The following SLC8A1 variants were observed in gnomAD, a reference collection of about 807,000 sequenced individuals.
The protein encoded by SLC8A1 is sodium/calcium exchanger 1.
Under a neutral mutation model 68.3 loss-of-function variants are expected in SLC8A1, and 18 were observed. That is an observed-to-expected ratio of 0.26 (90% confidence interval 0.18 to 0.39). The LOEUF (loss-of-function observed/expected upper bound fraction) is 0.39, where lower values mean the gene tolerates loss of function less well. Among genes scored for constraint, SLC8A1 ranks in the 10% least tolerant of loss-of-function variants. SLC8A1 has a pLI of 1.00. For missense variants in SLC8A1, 985 were observed against 1,156.7 expected (o/e 0.85, Z 2.15); for synonymous variants, 475 against 415.5 (o/e 1.14, Z -1.74).
At chr2:40,336,069 A>G (rs1354397325) in intron 2 of SLC8A1, among the ~76,000 whole-genome samples, 2 of 152,206 alleles carry the variant, frequency 1.3e-5, no homozygotes, top group Admixed American at 6.5e-5. Context: ...ATGTCATGCC[A>G]TGACTTAAAA....
chr2:40,163,922 T>A (rs1199261915), intron 5 of SLC8A1, among the ~76,000 whole-genome samples: 1 of 152,192 alleles, frequency 6.6e-6, no homozygotes, highest in Non-Finnish European at 1.5e-5. Flanking sequence ...CCAGATAAAA[T>A]CTGAAACTTC....
At chr2:40,323,315 C>A (rs741287) in intron 2 of SLC8A1, among the ~76,000 whole-genome samples, 29,617 of 151,970 alleles carry the variant, frequency 0.19, 3,620 homozygotes, top group East Asian at 0.35. Flanking sequence ...ATGGATGTAA[C>A]TTAAGACTTT....
At chr2:40,198,361 C>T (rs1258193295) in intron 2 of SLC8A1, among the ~76,000 whole-genome samples, 4 of 151,852 alleles carry the variant, frequency 2.6e-5, no homozygotes, top group Non-Finnish European at 5.9e-5. Flanking sequence ...TTCTTGTTTG[C>T]ATTTCCCAAG....
At chr2:40,304,563 G>A (rs993989545) in intron 2 of SLC8A1, among the ~76,000 whole-genome samples, 2 of 152,108 alleles carry the variant, frequency 1.3e-5, no homozygotes, top group African/African-American at 4.8e-5. Context: ...CCTCTCCTGG[G>A]TTTGGCACAT....
At chr2:40,438,783 T>C (rs1699944658) in intron 1 of SLC8A1, among the ~76,000 whole-genome samples, 1 of 152,152 alleles carries the variant, frequency 6.6e-6, no homozygotes, top group African/African-American at 2.4e-5. Flanking sequence ...TCAGATACAG[T>C]TGAGGAATCT....
In SLC8A1 at chr2:40,178,513, T is replaced by C. The variant is rs937230992; in HGVS notation, c.1809-658A>G. 1 of 1,588,344 alleles carries C rather than the reference T, an allele frequency of 6.3e-7. No homozygotes were observed. Among genetic ancestry groups the C allele is most frequent in the African/African-American group, 1.3e-5 (1 of 74,202 alleles). On this transcript the variant is annotated intron_variant, in intron 2 of 7. Transcript: ENST00000406785. ...GTTTTGCTGAAACAGAGAATAGAAA[T>C]TGACGAACAAGGGGAAGAGGAAAGA... is the stretch of plus-strand genomic sequence containing the variant.
intron 1 of SLC8A1, among the ~76,000 whole-genome samples, chr2:40,503,680 G>C (rs967146743): frequency 6.6e-6 from 1 of 151,690 alleles, no homozygotes; most frequent in African/African-American, 2.4e-5. Flanking sequence ...ATATAAAAAA[G>C]AAATAAAAAG....
At chr2:40,125,765 G>C (rs1414748073) in intron 7 of SLC8A1, among the ~76,000 whole-genome samples, 1 of 151,686 alleles carries the variant, frequency 6.6e-6, no homozygotes, top group Non-Finnish European at 1.5e-5. Context: ...GAAAAGAAAA[G>C]AAAAAAAGGC....
At chr2:40,162,924 G>A (rs77295320) in intron 5 of SLC8A1, among the ~76,000 whole-genome samples, 1,722 of 152,198 alleles carry the variant, frequency 0.011, 35 homozygotes, top group African/African-American at 0.039. Flanking sequence ...TACAGTTCTG[G>A]GAGCTCTGAG....
At chr2:40,175,615 A>G (rs10175778) in intron 3 of SLC8A1, among the ~76,000 whole-genome samples, 18,161 of 152,142 alleles carry the variant, frequency 0.12, 1,178 homozygotes, top group African/African-American at 0.13. Context: ...CTAGTTTACC[A>G]AATACAGTGG....
chr2:40,494,620 T>C (rs549915677), intron 1 of SLC8A1, among the ~76,000 whole-genome samples: 3 of 140,396 alleles, frequency 2.1e-5, no homozygotes, highest in Non-Finnish European at 4.5e-5. Context: ...TGTGTACATG[T>C]ACCCTAGAAC....
intron 1 of SLC8A1, among the ~76,000 whole-genome samples, chr2:40,439,918 TCA>T (rs1025792207): frequency 6.6e-6 from 1 of 152,170 alleles, no homozygotes; most frequent in Non-Finnish European, 1.5e-5. Flanking sequence ...GACAATATAC[TCA>T]GTGACAAAGT....
At chr2:40,189,778 TC>T (rs2051408931) in intron 2 of SLC8A1, 1 of 152,202 alleles carries the variant, frequency 6.6e-6, no homozygotes, top group African/African-American at 2.4e-5. Context: ...TTTTTGATGT[TC>T]TTCTATGGAT....
chr2:40,373,633 A>G (rs558632739), intron 2 of SLC8A1, among the ~76,000 whole-genome samples: 25 of 152,236 alleles, frequency 1.6e-4, no homozygotes, highest in African/African-American at 5.8e-4. Flanking sequence ...TCTAATTTAC[A>G]CATAAGGAAA....
At chr2:40,224,089 G>A (rs751524377) in intron 2 of SLC8A1, among the ~76,000 whole-genome samples, 16 of 152,274 alleles carry the variant, frequency 1.1e-4, no homozygotes, top group Admixed American at 5.9e-4. Context: ...TGTTCGCTTC[G>A]TAGGGACTCA....
At chr2:40,328,393 T>C (rs2076067503) in intron 2 of SLC8A1, among the ~76,000 whole-genome samples, 1 of 152,136 alleles carries the variant, frequency 6.6e-6, no homozygotes, top group Admixed American at 6.6e-5. Context: ...AATCAGTCCT[T>C]AACTTCTTTC....
At chr2:40,278,097 A>G (rs1304928976) in intron 2 of SLC8A1, among the ~76,000 whole-genome samples, 1 of 151,982 alleles carries the variant, frequency 6.6e-6, no homozygotes, top group Non-Finnish European at 1.5e-5. Context: ...TTATCACATC[A>G]CTGGTTTTTA....
At chr2:40,359,767 G>A (rs191231521) in intron 2 of SLC8A1, among the ~76,000 whole-genome samples, 1 of 152,040 alleles carries the variant, frequency 6.6e-6, no homozygotes, top group East Asian at 1.9e-4. Flanking sequence ...CTATAATAGA[G>A]GCATGGATTC....
intron 6 of SLC8A1, among the ~76,000 whole-genome samples, chr2:40,145,965 CTCTCT>C (rs141298472): frequency 0.29 from 36,625 of 125,818 alleles, 4,679 homozygotes; most frequent in East Asian, 0.47. Flanking sequence ...AAGAGTTGAT[CTCTCT>C]TTTTTTTGTA....
Sources: gnomAD v4.1 joint callset for allele counts (sites outside exome capture counted in the v4.1 genomes callset) on GRCh38, gnomAD v4.1.1 for gene constraint, MANE v1.5 for transcripts, NCBI Gene and HGNC (gene_info 2026-07-23, HGNC 2026-07-21) for gene names.